MCM8: variants seen among roughly 807,000 people sequenced by gnomAD.
MCM8 encodes minichromosome maintenance 8 homologous recombination repair factor.
MCM8 carries 85 observed loss-of-function variants against 98.9 expected under a neutral mutation model. The ratio of observed to expected loss-of-function variants is 0.86; its 90% CI spans 0.72 to 1.03. The LOEUF is 1.03. MCM8 is among the 50% of genes least tolerant of loss of function. MCM8 has a pLI of 0.00. For synonymous variants in MCM8, 352 were observed against 338.6 expected (o/e 1.04, Z -0.44); for missense variants, 951 against 997.8 (o/e 0.95, Z 0.63).
rs761440420 is a variant in MCM8, at chr20:5,958,709, T to C, written c.772T>C (p.Tyr258His). The change falls in exon 7 of 19, where the codon TAC (tyrosine) becomes CAC (histidine). Residue 258 changes from tyrosine (Y) to histidine (H), a missense_variant. Tyr to His is a moderately conservative substitution (Grantham distance 83). Transcript: ENST00000610722. ...GAGCTTTCCTCTTCCAGATGGAAAATACAGTCTTCCCACAAAGGTAATACG... is the reference window on the plus strand; with the variant it reads ...GAGCTTTCCTCTTCCAGATGGAAAACACAGTCTTCCCACAAAGGTAATACG... ...IQSFPLPDGK[Y>H]SLPTKCPVPV... 1.9e-6 allele frequency: 3 copies of C among 1,614,166 alleles called. No individual in the cohort carries two copies. The highest frequency in any genetic ancestry group is 2.2e-5 in the South Asian group (2 of 91,084).
At chr20:5,988,995 G>A (rs187206862) in intron 17 of MCM8, among the ~76,000 whole-genome samples, 80 of 152,224 alleles carry the variant, frequency 5.3e-4, no homozygotes, top group Non-Finnish European at 9.3e-4. Flanking sequence ...TTCCTCTGGT[G>A]TAAAACACAC....
intron 10 of MCM8, among the ~76,000 whole-genome samples, chr20:5,971,569 A>G (rs185308590): frequency 2.0e-5 from 3 of 152,334 alleles, no homozygotes; most frequent in African/African-American, 7.2e-5. Context: ...AACTGAAAAA[A>G]ATGAAATTTT....
At chr20:5,969,694 A>G (rs1052677753) in intron 10 of MCM8, among the ~76,000 whole-genome samples, 37 of 152,026 alleles carry the variant, frequency 2.4e-4, no homozygotes, top group Non-Finnish European at 4.6e-4. Flanking sequence ...TAATATGTTA[A>G]TTAGCTGACT....
In MCM8 at chr20:5,997,187, T is replaced by TTG. The variant is rs1484175390; in HGVS notation, c.*2797_*2798insGT. ...AAGTTTCTTTTTTTTTCTTTTTTCT[T>TTG]TTTTTTTTTTTTTTGAGACAGAGTT... is the stretch of plus-strand genomic sequence containing the variant. On this transcript the variant is annotated 3_prime_UTR_variant, in exon 19 of 19. Transcript: ENST00000610722. The TTG allele has an allele frequency of 7.7e-6, 1 of 129,142 alleles. No individual in the cohort carries two copies. The highest frequency in any genetic ancestry group is 3.1e-5 in the African/African-American group (1 of 32,784). 8.0% of individuals were successfully genotyped at this position (129,142 alleles called of 1,614,324 possible).
Position 5,994,398 on chromosome 20 carries a change from T to G in MCM8, c.*7T>G, listed in dbSNP as rs764835365. ...CCAGCTTCAAACTATGTAAAAGGAC[T>G]TCACCAAGTTAGGGCCTCCTGGGTT... is the stretch of plus-strand genomic sequence containing the variant. On this transcript the variant is annotated 3_prime_UTR_variant, in exon 19 of 19. Transcript: ENST00000610722. The G allele has an allele frequency of 6.3e-7, 1 of 1,579,570 alleles. No individual in the cohort carries two copies. Among genetic ancestry groups the G allele is most frequent in the South Asian group, 1.1e-5 (1 of 89,426 alleles).
intron 3 of MCM8, among the ~76,000 whole-genome samples, chr20:5,953,568 G>A (rs1174785038): frequency 1.3e-5 from 2 of 151,842 alleles, no homozygotes; most frequent in Non-Finnish European, 2.9e-5. Context: ...CTGCCTCCCA[G>A]GTTCACGCCA....
chr20:5,972,547 C>A, intron 11 of MCM8: 1 of 324,604 alleles, frequency 3.1e-6, no homozygotes. Flanking sequence ...TATGAATGGG[C>A]TTTTATTTTA....
At chr20:5,993,783 A>G in intron 18 of MCM8, 88 bp downstream of exon 18, 14 of 1,087,432 alleles carry the variant, frequency 1.3e-5, no homozygotes, top group Non-Finnish European at 1.8e-5. Context: ...TTACTTATTT[A>G]AAATTCATAC....
intron 8 of MCM8, among the ~76,000 whole-genome samples, chr20:5,964,303 C>T (rs2089226645): frequency 6.6e-6 from 1 of 152,042 alleles, no homozygotes; most frequent in Non-Finnish European, 1.5e-5. Context: ...GAACTAAGAA[C>T]CTAGGGAAAA....
intron 13 of MCM8, among the ~76,000 whole-genome samples, chr20:5,980,876 A>ATC (rs1437128956): frequency 7.1e-6 from 1 of 141,694 alleles, no homozygotes; most frequent in Non-Finnish European, 1.5e-5. Context: ...TGTCTCTCAA[A>ATC]AAAAAAAAAA....
intron 7 of MCM8, among the ~76,000 whole-genome samples, chr20:5,962,113 C>T (rs2089158932): frequency 1.3e-5 from 2 of 152,176 alleles, no homozygotes; most frequent in Non-Finnish European, 1.5e-5. Flanking sequence ...TCTTCTTCTC[C>T]ATGTGGCTGT....
chr20:5,972,497 T>G (rs2089425674), intron 11 of MCM8: 3 of 304,834 alleles, frequency 9.8e-6, no homozygotes. Context: ...GTCAGCCGTA[T>G]AGCTCCTTTT....
rs1013843498 is a variant in MCM8, at chr20:5,998,151, T to C, written c.*3760T>C. The C allele has an allele frequency of 1.3e-5, 2 of 152,196 alleles. No individual in the cohort carries two copies. The highest frequency in any genetic ancestry group is 4.8e-5 in the African/African-American group (2 of 41,440). 9.4% of individuals were successfully genotyped at this position (152,196 alleles called of 1,614,324 possible). ...ATGAATGCATTGAATTCATAAACAA[T>C]GGTATGGATATTGACTAGCCAAAGA... On this transcript the variant is annotated 3_prime_UTR_variant, in exon 19 of 19. Transcript: ENST00000610722.
At position 5,958,610 on chromosome 20, in the gene MCM8, G is replaced by C. The variant is rs763765338; in HGVS notation, c.673G>C (p.Val225Leu). Residue 225 changes from valine to leucine, a missense_variant, in exon 7 of 19, where the codon GTG becomes CTG. Val to Leu is a conservative substitution (Grantham distance 32, BLOSUM62 1). Coordinates refer to ENST00000610722, the MANE Select transcript of MCM8 (RefSeq NM_032485.6). ...AAAATACATTGCTCTAAGAGGGACAGTGGTTCGTGTCAGTAATATAAAGCC... is the reference window on the plus strand; with the variant it reads ...AAAATACATTGCTCTAAGAGGGACACTGGTTCGTGTCAGTAATATAAAGCC... ...YGKYIALRGT[V>L]VRVSNIKPLC... is the part of the protein sequence containing the mutation. The C allele has an allele frequency of 6.2e-7, 1 of 1,614,138 alleles. No homozygotes were observed. The highest frequency in any genetic ancestry group is 8.5e-7 in the Non-Finnish European group (1 of 1,179,986).
chr20:5,977,783 A>G, intron 12 of MCM8, 93 bp from the exon 13 acceptor site: 1 of 1,332,880 alleles, frequency 7.5e-7, no homozygotes, highest in Non-Finnish European at 1.0e-6. Context: ...TTAAAAGAAT[A>G]CCTAGCATAT....
chr20:5,955,872 G>C (rs1164167063), intron 5 of MCM8, among the ~76,000 whole-genome samples: 2 of 151,908 alleles, frequency 1.3e-5, no homozygotes, highest in Non-Finnish European at 2.9e-5. Context: ...TCTGCCTCCC[G>C]GGTTCAAGTG....
intron 3 of MCM8, 90 bp downstream of exon 3, chr20:5,952,618 T>A: frequency 9.9e-7 from 1 of 1,007,468 alleles, no homozygotes; most frequent in Non-Finnish European, 1.5e-6. Context: ...GTAATTCATT[T>A]ACTAACATAT....
At chr20:5,977,076 A>C (rs955156782) in intron 12 of MCM8, among the ~76,000 whole-genome samples, 1 of 152,214 alleles carries the variant, frequency 6.6e-6, no homozygotes, top group Non-Finnish European at 1.5e-5. Context: ...TGTGTGTTAT[A>C]AGGTTTCTCA....
At position 5,986,017 on chromosome 20, in the gene MCM8, A is replaced by C; in HGVS notation, c.2049A>C (p.Thr683=). Residue 683 remains threonine (T), a synonymous_variant, in exon 16 of 19, where the codon ACA becomes ACC. Coordinates refer to ENST00000610722, the MANE Select transcript of MCM8 (RefSeq NM_032485.6). ...AGTATGTGTACCCAAGGCTATCCAC[A>C]GAAGCTGCTCGAGTTCTTCAAGATT... ...ARQYVYPRLS[T]EAARVLQDFY... The C allele has an allele frequency of 6.2e-7, 1 of 1,614,266 alleles. No homozygotes were observed. Among genetic ancestry groups the C allele is most frequent in the Non-Finnish European group, 8.5e-7 (1 of 1,180,040 alleles).
Sources: allele counts gnomAD v4.1 joint callset (sites outside exome capture counted in the v4.1 genomes callset), GRCh38; gene constraint gnomAD v4.1.1; transcripts MANE v1.5; gene names NCBI Gene and HGNC (gene_info 2026-07-23, HGNC 2026-07-21).